PRKCB: variants seen among roughly 807,000 people sequenced by gnomAD.
PRKCB encodes the protein protein kinase C beta type.
A neutral mutation model predicts 81.5 loss-of-function variants in PRKCB; 13 were observed. The observed-to-expected ratio is 0.16, with a 90% CI of 0.10 to 0.25. The LOEUF (loss-of-function observed/expected upper bound fraction) is 0.25. Among genes scored for constraint, PRKCB ranks in the 10% least tolerant of loss-of-function variants. The probability of loss-of-function intolerance (pLI) is 1.00; values close to 1 mark genes in which losing one functional copy is unlikely to be tolerated. For missense variants in PRKCB, 509 were observed against 875.7 expected, an observed-to-expected ratio of 0.58 and a Z score of 5.29; for synonymous variants, 335 against 321.4, an observed-to-expected ratio of 1.04 and a Z score of -0.45.
At chr16:24,158,561 T>C (rs1213371510) in intron 10 of PRKCB, among the ~76,000 whole-genome samples, 1 of 151,826 alleles carries the variant, frequency 6.6e-6, no homozygotes, top group African/African-American at 2.4e-5. Context: ...TATGTATATG[T>C]ATATGTATAT....
chr16:23,894,330 G>A (rs924871339), intron 2 of PRKCB, among the ~76,000 whole-genome samples: 2 of 152,190 alleles, frequency 1.3e-5, no homozygotes, highest in Non-Finnish European at 2.9e-5. Flanking sequence ...CAGGACCATT[G>A]TTGTAATCAA....
intron 15 of PRKCB, among the ~76,000 whole-genome samples, chr16:24,190,847 G>A (rs985564115): frequency 3.3e-5 from 5 of 152,008 alleles, no homozygotes; most frequent in Admixed American, 1.3e-4. Context: ...TGAAGTTCAC[G>A]GCCACATTCA....
intron 2 of PRKCB, among the ~76,000 whole-genome samples, chr16:23,839,582 AT>A (rs1391403035): frequency 6.6e-6 from 1 of 150,960 alleles, no homozygotes; most frequent in African/African-American, 2.4e-5. Context: ...TGGAGTGTCT[AT>A]TTTTTAAATT....
chr16:24,191,115 G>A lies in PRKCB; in HGVS notation c.1748G>A (p.Arg583His), dbSNP rs773667135. The change falls in exon 16 of 17, where the codon CGT becomes CAT. Residue 583 changes from arginine to histidine, a missense_variant. Physicochemically the swap from Arg to His is conservative, Grantham distance 29. Coordinates refer to ENST00000643927, the MANE Select transcript of PRKCB (RefSeq NM_002738.7). Reference protein sequence around the residue: ...KGLMTKHPGKRLGCGPEGERD... With the variant: ...KGLMTKHPGKHLGCGPEGERD... ...CTGATGACCAAACACCCAGGCAAAC[G>A]TCTGGGTTGTGGACCTGAAGGCGAA... is the stretch of plus-strand genomic sequence containing the variant. 2 of 1,614,026 alleles carry A rather than the reference G, an allele frequency of 1.2e-6. No individual in the cohort carries two copies. Among genetic ancestry groups the A allele is most frequent in the Non-Finnish European group, 8.5e-7 (1 of 1,179,980 alleles).
Position 23,893,572 on chromosome 16 carries a change from G to A in PRKCB, c.205+56166G>A, listed in dbSNP as rs1232712124. Reference sequence around the variant, plus strand: ...AAATGTGAAAAGCATTTTTAAAAAGGAAAAAAACCATCCGGCGTTGTTAAC... The same window carrying A: ...AAATGTGAAAAGCATTTTTAAAAAGAAAAAAAACCATCCGGCGTTGTTAAC... On this transcript the variant is annotated intron_variant, in intron 2 of 16. Transcript: ENST00000643927. The A allele has an allele frequency of 2.6e-5, 4 of 152,104 alleles. No individual in the cohort carries two copies. The East Asian group carries it at 7.7e-4, about 29-fold the overall frequency. The allele number at this position is 152,104 out of a possible 1,614,324, so 9.4% of individuals were successfully genotyped here.
chr16:23,962,282 T>C (rs560184101), intron 2 of PRKCB, among the ~76,000 whole-genome samples: 1 of 152,232 alleles, frequency 6.6e-6, no homozygotes, highest in South Asian at 2.1e-4. Context: ...CTGGTTTCGC[T>C]CCCTAACGTC....
At chr16:23,950,072 TC>T (rs1355377495) in intron 2 of PRKCB, among the ~76,000 whole-genome samples, 1 of 141,894 alleles carries the variant, frequency 7.0e-6, no homozygotes, top group Non-Finnish European at 1.5e-5. Context: ...GGATGTGGCC[TC>T]CCCAGTGGCC....
chr16:23,939,696 A>G (rs954081687), intron 2 of PRKCB, among the ~76,000 whole-genome samples: 2 of 152,232 alleles, frequency 1.3e-5, no homozygotes, highest in Admixed American at 1.3e-4. Flanking sequence ...TTATACAAAA[A>G]TTAACTCAAA....
chr16:23,920,246 G>A (rs920722753), intron 2 of PRKCB, among the ~76,000 whole-genome samples: 8 of 152,132 alleles, frequency 5.3e-5, no homozygotes, highest in African/African-American at 1.9e-4. Context: ...TTGCTAATGA[G>A]TGATGCTGAG....
chr16:24,061,855 A>G (rs1596532776), intron 5 of PRKCB, among the ~76,000 whole-genome samples: 2 of 151,668 alleles, frequency 1.3e-5, no homozygotes, highest in East Asian at 3.9e-4. Flanking sequence ...AAAGCAATCT[A>G]AACATTTAGA....
At chr16:24,047,352 T>TA (rs770342060) in intron 5 of PRKCB, among the ~76,000 whole-genome samples, 6 of 151,128 alleles carry the variant, frequency 4.0e-5, no homozygotes, top group Non-Finnish European at 5.9e-5. Flanking sequence ...AAAAAATAAA[T>TA]AAATAAAATA....
At chr16:24,195,509 A>G (rs1346717621) in intron 16 of PRKCB, among the ~76,000 whole-genome samples, 1 of 152,258 alleles carries the variant, frequency 6.6e-6, no homozygotes, top group African/African-American at 2.4e-5. Context: ...ATTATGTTCA[A>G]ACATCAGTGA....
At position 24,217,190 on chromosome 16, in the gene PRKCB, T is replaced by C. The variant is rs1471961055; in HGVS notation, c.*2374T>C. On this transcript the variant is annotated 3_prime_UTR_variant, in exon 17 of 17. Coordinates refer to ENST00000643927, the MANE Select transcript of PRKCB (RefSeq NM_002738.7). ...AGAAGGAAGGAAGGAAGGAATATAGTGTTATAAATACTGCACTCAACATTT... is the reference window on the plus strand; with the variant it reads ...AGAAGGAAGGAAGGAAGGAATATAGCGTTATAAATACTGCACTCAACATTT... The C allele has an allele frequency of 1.0e-6, 1 of 982,074 alleles. No individual in the cohort carries two copies. The highest frequency in any genetic ancestry group is 1.2e-6 in the Non-Finnish European group (1 of 828,164). The allele number at this position is 982,074 out of a possible 1,614,324, so 60.8% of individuals were successfully genotyped here.
intron 3 of PRKCB, among the ~76,000 whole-genome samples, chr16:24,007,494 C>A (rs902403032): frequency 2.6e-5 from 4 of 152,158 alleles, no homozygotes; most frequent in African/African-American, 9.7e-5. Context: ...TCTCATTTGC[C>A]ACGGGCTGAC....
intron 7 of PRKCB, chr16:24,111,146 T>C (rs1014573399): frequency 7.9e-5 from 12 of 152,328 alleles, no homozygotes; most frequent in Admixed American, 2.6e-4. Context: ...TGCTCTCTTG[T>C]TTTTATATTT....
intron 15 of PRKCB, among the ~76,000 whole-genome samples, chr16:24,190,743 T>C (rs886285208): frequency 4.6e-5 from 7 of 152,124 alleles, no homozygotes; most frequent in Admixed American, 3.9e-4. Context: ...GGTCTCAATC[T>C]CTTGACCTTG....
intron 2 of PRKCB, among the ~76,000 whole-genome samples, chr16:23,903,916 A>G (rs940165224): frequency 6.6e-6 from 1 of 152,208 alleles, no homozygotes; most frequent in Admixed American, 6.5e-5. Flanking sequence ...GGTGTCTGCA[A>G]CGACGCTGGC....
chr16:23,930,548 G>A (rs1378624594), intron 2 of PRKCB, among the ~76,000 whole-genome samples: 3 of 132,742 alleles, frequency 2.3e-5, no homozygotes, highest in African/African-American at 8.4e-5. Flanking sequence ...CAGCCTGGGT[G>A]AGAGAGTGAG....
intron 2 of PRKCB, among the ~76,000 whole-genome samples, chr16:23,984,407 A>C (rs1265178885): frequency 6.6e-6 from 1 of 152,208 alleles, no homozygotes; most frequent in East Asian, 1.9e-4. Context: ...CCTGATCATC[A>C]GACTCCAGAA....
Sources: gnomAD v4.1 joint callset for allele counts (sites outside exome capture counted in the v4.1 genomes callset) on GRCh38, gnomAD v4.1.1 for gene constraint, MANE v1.5 for transcripts, NCBI Gene and HGNC (gene_info 2026-07-23, HGNC 2026-07-21) for gene names.